Variants in DTNBP1 observed in about 807,000 individuals in gnomAD.
DTNBP1 encodes dysbindin.
DTNBP1 carries 35 observed loss-of-function variants against 42.8 expected under a neutral mutation model. The ratio of observed to expected loss-of-function variants is 0.82; its 90% CI spans 0.63 to 1.09. The LOEUF is 1.09. Ranked by LOEUF, DTNBP1 falls within the 50% of genes least tolerant of loss-of-function variation. The probability of loss-of-function intolerance (pLI) is 0.00; values close to 1 mark genes in which losing one functional copy is unlikely to be tolerated. For missense variants in DTNBP1, 457 were observed against 424.2 expected (o/e 1.08, Z -0.68); for synonymous variants, 171 against 162.2 (o/e 1.05, Z -0.41).
chr6:15,650,934 A>G (rs1348412737), intron 3 of DTNBP1, among the ~76,000 whole-genome samples: 2 of 152,202 alleles, frequency 1.3e-5, no homozygotes, highest in Non-Finnish European at 2.9e-5. Flanking sequence ...TAAAAAGACC[A>G]TACATTTTAA....
chr6:15,616,689 T>G (rs561484704), intron 5 of DTNBP1, among the ~76,000 whole-genome samples: 11 of 152,252 alleles, frequency 7.2e-5, no homozygotes, highest in African/African-American at 2.4e-4. Flanking sequence ...GCATTTAGGT[T>G]TGAGGCAAAC....
chr6:15,584,162 T>C (rs1419354873), intron 7 of DTNBP1, among the ~76,000 whole-genome samples: 8 of 152,130 alleles, frequency 5.3e-5, no homozygotes, highest in African/African-American at 1.4e-4. Context: ...ACACTTAACA[T>C]ATATTGACAT....
At chr6:15,533,734 C>A in intron 7 of DTNBP1, 1 of 487,870 alleles carries the variant, frequency 2.0e-6, no homozygotes, top group Non-Finnish European at 4.0e-6. Context: ...CTTCTACTAA[C>A]TCCAGTGGAG....
chr6:15,526,505 GA>G (rs1459010473), intron 8 of DTNBP1, among the ~76,000 whole-genome samples: 8 of 152,166 alleles, frequency 5.3e-5, no homozygotes, highest in African/African-American at 1.9e-4. Flanking sequence ...TTTAGTTGGG[GA>G]AAAGTATTAT....
At chr6:15,533,975 G>A (rs771506444) in intron 7 of DTNBP1, among the ~76,000 whole-genome samples, 1 of 152,190 alleles carries the variant, frequency 6.6e-6, no homozygotes, top group Non-Finnish European at 1.5e-5. Context: ...TAAAAAGGAG[G>A]GATATTCTGA....
At chr6:15,632,515 A>G (rs1191990782) in intron 4 of DTNBP1, among the ~76,000 whole-genome samples, 1 of 152,206 alleles carries the variant, frequency 6.6e-6, no homozygotes, top group African/African-American at 2.4e-5. Context: ...CAAACTTACC[A>G]TCTACCCAAA....
rs944020668 is a variant in DTNBP1 at position 15,548,573 on chromosome 6, T to A, written c.512-15178A>T. ...CTTAAGAACACAAAAACCAAAAGCA[T>A]CCCCTTGTTTCCAACATTTTGATTT... On this transcript the variant is annotated intron_variant, in intron 7 of 9. Transcript: ENST00000344537. Among the ~76,000 whole-genome samples the A allele has an allele frequency of 2.0e-5, 3 of 151,958 alleles. No individual in the cohort carries two copies. In the East Asian group the frequency reaches 5.8e-4, roughly 29 times the overall value.
intron 3 of DTNBP1, among the ~76,000 whole-genome samples, chr6:15,642,619 AG>A (rs528974707): frequency 2.2e-4 from 33 of 152,340 alleles, no homozygotes; most frequent in African/African-American, 7.5e-4. Flanking sequence ...TCAGCTCCAC[AG>A]GAGACAAGGT....
chr6:15,528,746 T>C (rs537287672), intron 8 of DTNBP1, among the ~76,000 whole-genome samples: 4 of 152,322 alleles, frequency 2.6e-5, no homozygotes, highest in East Asian at 3.9e-4. Flanking sequence ...AAGACAGCCA[T>C]GTCATTGTGA....
At chr6:15,534,302 T>C (rs557101644) in intron 7 of DTNBP1, among the ~76,000 whole-genome samples, 67 of 152,290 alleles carry the variant, frequency 4.4e-4, no homozygotes, top group African/African-American at 1.3e-3. Context: ...TGGACACTTA[T>C]GAATTCTATG....
At chr6:15,637,080 C>T (rs1760072400) in intron 4 of DTNBP1, among the ~76,000 whole-genome samples, 1 of 152,048 alleles carries the variant, frequency 6.6e-6, no homozygotes, top group African/African-American at 2.4e-5. Flanking sequence ...ACTATTACAG[C>T]TTCATTAATT....
Position 15,662,861 on chromosome 6 carries a change from C to T in DTNBP1, c.9G>A (p.Glu3=), listed in dbSNP as rs754501504. Residue 3 remains glutamate, a synonymous_variant, in exon 1 of 10, where the codon GAG becomes GAA. Coordinates refer to ENST00000344537, the MANE Select transcript of DTNBP1 (RefSeq NM_032122.5). ...CGCTCAGCAGCCGCTCGCGAAGGGT[C>T]TCCAGCATTGCCGCCGCCGCCGGTC... is the stretch of plus-strand genomic sequence containing the variant. ML[E]TLRERLLSVQ... 3 of 1,607,580 alleles carry T rather than the reference C, an allele frequency of 1.9e-6. No individual in the cohort carries two copies. In the South Asian group the frequency reaches 3.3e-5, roughly 18 times the overall value.
chr6:15,529,532 C>T (rs1456955517), intron 8 of DTNBP1, among the ~76,000 whole-genome samples: 1 of 152,236 alleles, frequency 6.6e-6, no homozygotes, highest in Non-Finnish European at 1.5e-5. Flanking sequence ...ACCTCGTTCT[C>T]TTCCCAGGGC....
intron 6 of DTNBP1, among the ~76,000 whole-genome samples, chr6:15,600,093 A>G (rs1189670439): frequency 6.6e-6 from 1 of 152,044 alleles, no homozygotes; most frequent in African/African-American, 2.4e-5. Flanking sequence ...ATTCCTGATC[A>G]AGCGGCACCA....
At chr6:15,546,335 G>A (rs1410226204) in intron 7 of DTNBP1, among the ~76,000 whole-genome samples, 1 of 151,994 alleles carries the variant, frequency 6.6e-6, no homozygotes, top group African/African-American at 2.4e-5. Flanking sequence ...AAAGTGCTGG[G>A]TTTACAGGTG....
chr6:15,657,100 A>C (rs1046751676), intron 1 of DTNBP1, among the ~76,000 whole-genome samples: 1 of 152,206 alleles, frequency 6.6e-6, no homozygotes, highest in Non-Finnish European at 1.5e-5. Context: ...ACAAAGCCTA[A>C]GAAATTCACA....
At chr6:15,526,231 C>G (rs1241714562) in intron 8 of DTNBP1, among the ~76,000 whole-genome samples, 1 of 152,164 alleles carries the variant, frequency 6.6e-6, no homozygotes, top group South Asian at 2.1e-4. Context: ...GAAGGAAGGG[C>G]TGAGTGCAAG....
intron 6 of DTNBP1, among the ~76,000 whole-genome samples, chr6:15,600,645 G>T (rs1435240559): frequency 1.3e-5 from 2 of 152,192 alleles, no homozygotes; most frequent in African/African-American, 4.8e-5. Flanking sequence ...TAGAACTCCG[G>T]AAAGGATCAG....
intron 4 of DTNBP1, among the ~76,000 whole-genome samples, chr6:15,635,134 G>C (rs1759934638): frequency 6.6e-6 from 1 of 151,964 alleles, no homozygotes; most frequent in South Asian, 2.1e-4. Flanking sequence ...TTTTGTTGTT[G>C]TTGCTTTAGA....
Sources: allele counts gnomAD v4.1 joint callset (sites outside exome capture counted in the v4.1 genomes callset), GRCh38; gene constraint gnomAD v4.1.1; transcripts MANE v1.5; gene names NCBI Gene and HGNC (gene_info 2026-07-23, HGNC 2026-07-21).